MLX: variants seen among roughly 807,000 people sequenced by gnomAD.
The protein encoded by MLX is max-like protein X.
In MLX, 15 loss-of-function variants were observed where a neutral mutation model predicts 33.0. The ratio of observed to expected loss-of-function variants is 0.45; its 90% confidence interval spans 0.30 to 0.70. The LOEUF (loss-of-function observed/expected upper bound fraction) is 0.70, where lower values mean the gene tolerates loss of function less well. Among genes scored for constraint, MLX ranks in the 30% least tolerant of loss-of-function variants. MLX has a pLI of 0.07. For missense variants in MLX, 285 were observed against 306.3 expected, an observed-to-expected ratio of 0.93 and a Z score of 0.52; for synonymous variants, 115 against 115.6, an observed-to-expected ratio of 0.99 and a Z score of 0.03.
chr17:42,571,518 T>C (rs944204019), intron 7 of MLX, 29 bp from the exon 8 acceptor site: 2 of 1,612,472 alleles, frequency 1.2e-6, no homozygotes, highest in Non-Finnish European at 8.5e-7. Flanking sequence ...TTGGGCATTG[T>C]CTATTTCTTC....
At chr17:42,570,360 G>A (rs2093025763) in intron 7 of MLX, among the ~76,000 whole-genome samples, 177 bp downstream of exon 7, 1 of 152,106 alleles carries the variant, frequency 6.6e-6, no homozygotes, top group Admixed American at 6.6e-5. Flanking sequence ...ACATCTTCAT[G>A]TTACGGTTTC....
In MLX at chr17:42,573,027, G is replaced by A. The variant is rs769966866; in HGVS notation, c.*1424G>A. 6.2e-7 allele frequency: 1 copy of A among 1,614,232 alleles called. No individual in the cohort carries two copies. The highest frequency in any genetic ancestry group is 1.7e-5 in the Admixed American group (1 of 60,026). ...TCCGTCTCTATCCCAACTTCCTCCT[G>A]TGAGACAGGGAGACAAGTGAATGAG... On this transcript the variant is annotated 3_prime_UTR_variant, in exon 8 of 8. Transcript: ENST00000435881.
At chr17:42,568,581 G>A (rs376906252) in intron 3 of MLX, 22 bp downstream of exon 3, 105 of 1,590,534 alleles carry the variant, frequency 6.6e-5, no homozygotes, top group African/African-American at 4.3e-4. Flanking sequence ...CATCCCCCCC[G>A]ACCTCGGGGG....
chr17:42,571,694 A>T lies in MLX; in HGVS notation c.*91A>T. ...TGCTGGGCCCGGGAGACTGGACTAC[A>T]ACACCTCACACTGGTCAGCTGGTTT... On this transcript the variant is annotated 3_prime_UTR_variant, in exon 8 of 8. Transcript: ENST00000435881. 1 of 1,188,638 alleles carries T rather than the reference A, an allele frequency of 8.4e-7. No individual in the cohort carries two copies. Among genetic ancestry groups the T allele is most frequent in the Non-Finnish European group, 1.3e-6 (1 of 792,244 alleles). 73.6% of individuals were successfully genotyped at this position (1,188,638 alleles called of 1,614,324 possible). A position where few individuals can be genotyped will look rare whatever the true frequency, so the allele number is the denominator to read the frequency against.
At chr17:42,570,800 C>T (rs1173826638) in intron 7 of MLX, among the ~76,000 whole-genome samples, 2 of 152,090 alleles carry the variant, frequency 1.3e-5, no homozygotes, top group Non-Finnish European at 2.9e-5. Flanking sequence ...GGACTACAGG[C>T]GTGTGCCACC....
intron 3 of MLX, 71 bp downstream of exon 3, chr17:42,568,630 G>A (rs1202815872): frequency 3.4e-6 from 5 of 1,450,116 alleles, no homozygotes; most frequent in Admixed American, 1.7e-5. Context: ...TTCCTAGACA[G>A]GGAAGCCCCA....
At chr17:42,570,397 T>A (rs939022229) in intron 7 of MLX, among the ~76,000 whole-genome samples, 12 of 152,300 alleles carry the variant, frequency 7.9e-5, no homozygotes, top group Middle Eastern at 3.4e-3. Flanking sequence ...GTGAGCTCAA[T>A]GTGAAGTCCA....
chr17:42,569,609 A>G lies in MLX; in HGVS notation c.476+3A>G, dbSNP rs1254027248. On this transcript the variant is annotated splice_donor_region_variant and intron_variant, in intron 6 of 7. Coordinates refer to ENST00000435881, the MANE Select transcript of MLX (RefSeq NM_198204.2). ...ACCGCCCTAAAGATCATGAAAGTGTAAGAGGGGTGCTGAATGGGGGGAACC... is the reference window on the plus strand; with the variant it reads ...ACCGCCCTAAAGATCATGAAAGTGTGAGAGGGGTGCTGAATGGGGGGAACC... The G allele has an allele frequency of 4.3e-6, 7 of 1,611,822 alleles. No individual in the cohort carries two copies. Among genetic ancestry groups the G allele is most frequent in the Non-Finnish European group, 5.9e-6 (7 of 1,178,008 alleles).
chr17:42,568,713 A>T, intron 3 of MLX, 124 bp from the exon 4 acceptor site: 1 of 1,083,336 alleles, frequency 9.2e-7, no homozygotes, highest in Non-Finnish European at 1.4e-6. Flanking sequence ...CATCTGGAAC[A>T]TTAGGTGGTT....
chr17:42,569,937 G>C (rs1042179678), intron 6 of MLX, 45 bp from the exon 7 acceptor site: 1 of 1,566,662 alleles, frequency 6.4e-7, no homozygotes, highest in Non-Finnish European at 8.8e-7. Flanking sequence ...TTCTTGGGTG[G>C]GCGGAGCTGC....
At position 42,570,086 on chromosome 17, in the gene MLX, C is replaced by G; in HGVS notation, c.581C>G (p.Ser194Cys). 6.2e-7 allele frequency: 1 copy of G among 1,614,176 alleles called. No homozygotes were observed. The highest frequency in any genetic ancestry group is 8.5e-7 in the Non-Finnish European group (1 of 1,180,026). The change falls in exon 7 of 8, where the codon TCC becomes TGC. Residue 194 changes from serine to cysteine, a missense_variant. By Grantham distance (112) the Ser-to-Cys change is moderately radical. Transcript: ENST00000435881. ...KFNVFQGIMD[S>C]LFQSFNASIS... ...AACGTGTTTCAAGGCATCATGGATT[C>G]CCTGTTCCAGTCCTTCAATGCCTCC...
rs372016381 is a variant in MLX, at chr17:42,567,734, C to T, written c.79+79C>T. The T allele has an allele frequency of 5.1e-6, 8 of 1,581,452 alleles. No individual in the cohort carries two copies. In the South Asian group the frequency reaches 7.8e-5, roughly 15 times the overall value. On this transcript the variant is annotated intron_variant, in intron 2 of 7. Coordinates refer to ENST00000435881, the MANE Select transcript of MLX (RefSeq NM_198204.2). ...TAGATTCTTGTGGCGTTGCCAACCACGCCTGAGCACAGTCCACTCTCCCTG... is the reference window on the plus strand; with the variant it reads ...TAGATTCTTGTGGCGTTGCCAACCATGCCTGAGCACAGTCCACTCTCCCTG...
chr17:42,567,763 A>G (rs2093014757), intron 2 of MLX, 108 bp downstream of exon 2: 1 of 1,468,454 alleles, frequency 6.8e-7, no homozygotes, highest in Non-Finnish European at 9.5e-7. Context: ...CTCCCTGAGC[A>G]GAGTTCCTGG....
At position 42,569,478 on chromosome 17, in the gene MLX, C is replaced by G. The variant is rs766842975; in HGVS notation, c.377-29C>G. On this transcript the variant is annotated intron_variant, in intron 5 of 7. Transcript: ENST00000435881. ...TTCTTGGTTGAGAATACTTCTGTAC[C>G]TGTCCTTTTTTTCTTGCCCCCACCC... is the stretch of plus-strand genomic sequence containing the variant. The G allele has an allele frequency of 2.5e-6, 4 of 1,583,832 alleles. No homozygotes were observed. The Admixed American group carries it at 6.7e-5, about 26-fold the overall frequency.
Position 42,573,074 on chromosome 17 carries a change from A to G in MLX, c.*1471A>G. 6.2e-7 allele frequency: 1 copy of G among 1,614,180 alleles called. No individual in the cohort carries two copies. The highest frequency in any genetic ancestry group is 1.7e-5 in the Admixed American group (1 of 60,024). ...TGAGATGTCACCAGGATAAGACCAC[A>G]GGGAAGCAAAGAAGGAAGAGAGCTC... On this transcript the variant is annotated 3_prime_UTR_variant, in exon 8 of 8. Transcript: ENST00000435881.
Position 42,570,115 on chromosome 17 carries a change from T to C in MLX, c.610T>C (p.Ser204Pro). 6.2e-7 allele frequency: 1 copy of C among 1,614,086 alleles called. No individual in the cohort carries two copies. Among genetic ancestry groups the C allele is most frequent in the South Asian group, 1.1e-5 (1 of 91,080 alleles). The change falls in exon 7 of 8, where the codon TCA becomes CCA. Residue 204 changes from serine (S) to proline (P), a missense_variant. Ser to Pro is a moderately conservative substitution (Grantham distance 74). Coordinates refer to ENST00000435881, the MANE Select transcript of MLX (RefSeq NM_198204.2). ...SLFQSFNASI[S>P]VASFQELSAC... Reference sequence around the variant, plus strand: ...GTTCCAGTCCTTCAATGCCTCCATCTCAGTGGCCAGCTTCCAGGAGCTGTC... The same window carrying C: ...GTTCCAGTCCTTCAATGCCTCCATCCCAGTGGCCAGCTTCCAGGAGCTGTC...
rs1008625060 is a variant in MLX, at chr17:42,570,028, G to T, written c.523G>T (p.Gly175Trp). Residue 175 changes from glycine (G) to tryptophan (W), a missense_variant, in exon 7 of 8, where the codon GGG (glycine) becomes TGG (tryptophan). Coordinates refer to ENST00000435881, the MANE Select transcript of MLX (RefSeq NM_198204.2). Reference sequence around the variant, plus strand: ...GGCACACCAGGACAACCCCCATGAAGGGGAGGACCAGGTCTCTGACCAGGT... The same window carrying T: ...GGCACACCAGGACAACCCCCATGAATGGGAGGACCAGGTCTCTGACCAGGT... The part of the protein sequence containing the change: ...VKAHQDNPHE[G>W]EDQVSDQVKF... 11 of 1,614,016 alleles carry T rather than the reference G, an allele frequency of 6.8e-6. No homozygotes were observed. The highest frequency in any genetic ancestry group is 9.3e-6 in the Non-Finnish European group (11 of 1,180,040).
rs1261894899 is a variant in MLX at position 42,572,862 on chromosome 17, A to AGT, written c.*1260_*1261dup. On this transcript the variant is annotated 3_prime_UTR_variant, in exon 8 of 8. Transcript: ENST00000435881. Reference sequence around the variant, plus strand: ...CCTGACTGCTCTGCTTAAAGGTGAAAGTAGCAGGAACAACAACAAAAGCCA... The same window carrying AGT: ...CCTGACTGCTCTGCTTAAAGGTGAAAGTGTAGCAGGAACAACAACAAAAGCCA... The AGT allele has an allele frequency of 1.5e-6, 2 of 1,326,834 alleles. No homozygotes were observed. Among genetic ancestry groups the AGT allele is most frequent in the Non-Finnish European group, 1.1e-6 (1 of 924,128 alleles). 82.2% of individuals were successfully genotyped at this position (1,326,834 alleles called of 1,614,324 possible).
In MLX at chr17:42,572,296, G is replaced by A. The variant is rs548430567; in HGVS notation, c.*693G>A. 4 of 446,182 alleles carry A rather than the reference G, an allele frequency of 9.0e-6. No individual in the cohort carries two copies. Among genetic ancestry groups the A allele is most frequent in the South Asian group, 6.3e-5 (4 of 63,108 alleles). The allele number at this position is 446,182 out of a possible 1,614,324, so 27.6% of individuals were successfully genotyped here. ...CTATGATGCTGCATGGCAGAGGCAG[G>A]TATAACACAGCACTACATATTGGAA... On this transcript the variant is annotated 3_prime_UTR_variant, in exon 8 of 8. Transcript: ENST00000435881.
Sources: gnomAD v4.1 joint callset for allele counts (sites outside exome capture counted in the v4.1 genomes callset) on GRCh38, gnomAD v4.1.1 for gene constraint, MANE v1.5 for transcripts, NCBI Gene and HGNC (gene_info 2026-07-23, HGNC 2026-07-21) for gene names.